The following ARPC4 variants were observed in gnomAD, a reference collection of about 807,000 sequenced individuals.
ARPC4 encodes the protein actin related protein 2/3 complex subunit 4.
Under a neutral mutation model 22.8 loss-of-function variants are expected in ARPC4, and 3 were observed. That is an observed-to-expected ratio of 0.13 (90% CI 0.06 to 0.34). ARPC4 has a LOEUF of 0.34. ARPC4 is among the 10% of genes least tolerant of loss of function. The probability of loss-of-function intolerance (pLI) is 1.00; values close to 1 mark genes in which losing one functional copy is unlikely to be tolerated. For synonymous variants in ARPC4, 80 were observed against 72.5 expected (o/e 1.10, Z -0.52); for missense variants, 98 against 211.0 (o/e 0.46, Z 3.32).
At chr3:9,797,619 A>C in intron 1 of ARPC4, 40 bp from the exon 2 acceptor site, 1 of 1,596,914 alleles carries the variant, frequency 6.3e-7, no homozygotes, top group Non-Finnish European at 8.6e-7. Flanking sequence ...TTGGCGTGAC[A>C]GATTTTGATC....
chr3:9,800,786 C>G (rs1366227970), intron 3 of ARPC4, among the ~76,000 whole-genome samples: 1 of 152,116 alleles, frequency 6.6e-6, no homozygotes, highest in Non-Finnish European at 1.5e-5. Flanking sequence ...TAAATGCAGA[C>G]TACACACTGT....
At chr3:9,796,679 C>T (rs56276715) in intron 1 of ARPC4, among the ~76,000 whole-genome samples, 53 of 152,284 alleles carry the variant, frequency 3.5e-4, no homozygotes, top group East Asian at 1.2e-3. Flanking sequence ...TGGTGGCTCA[C>T]GCCTGTAAAC....
chr3:9,806,168 C>G (rs757742626), intron 5 of ARPC4, 42 bp from the exon 6 acceptor site: 18 of 1,611,350 alleles, frequency 1.1e-5, no homozygotes, highest in Non-Finnish European at 1.5e-5. Context: ...CACCAGGATG[C>G]AATAATAACC....
chr3:9,806,065 A>G (rs1213687489), intron 5 of ARPC4, 145 bp from the exon 6 acceptor site: 6 of 920,584 alleles, frequency 6.5e-6, no homozygotes, highest in Non-Finnish European at 1.1e-5. Flanking sequence ...GAATTAGAGC[A>G]TGACCACAAG....
At chr3:9,793,256 G>A (rs1264864888) in intron 1 of ARPC4, 132 bp downstream of exon 1, 4 of 1,427,750 alleles carry the variant, frequency 2.8e-6, no homozygotes, top group Middle Eastern at 4.1e-4. Context: ...ACACGATGAG[G>A]GTGGGAAAAA....
At chr3:9,806,024 G>A (rs901166106) in intron 5 of ARPC4, among the ~76,000 whole-genome samples, 186 bp from the exon 6 acceptor site, 4 of 152,150 alleles carry the variant, frequency 2.6e-5, no homozygotes, top group South Asian at 2.1e-4. Flanking sequence ...GCTTAGGGCC[G>A]GTGCCCATAG....
Position 9,806,239 on chromosome 3 carries a change from C to G in ARPC4, c.*24C>G, listed in dbSNP as rs770584955. 1 of 1,613,214 alleles carries G rather than the reference C, an allele frequency of 6.2e-7. No homozygotes were observed. The highest frequency in any genetic ancestry group is 1.3e-5 in the African/African-American group (1 of 75,030). On this transcript the variant is annotated 3_prime_UTR_variant, in exon 6 of 6. Transcript: ENST00000397261. ...AAACCATCTGGCTGGATCTCGTGGC[C>G]TTCCCCCTCAGACTACCCATGTCTC...
In ARPC4 at chr3:9,804,110, G is replaced by A. The variant is rs371325938; in HGVS notation, c.501+97G>A. 5.7e-6 allele frequency: 8 copies of A among 1,408,826 alleles called. No individual in the cohort carries two copies. In the African/African-American group the frequency reaches 1.1e-4, roughly 20 times the overall value. 87.3% of individuals were successfully genotyped at this position (1,408,826 alleles called of 1,614,324 possible). A position where few individuals can be genotyped will look rare whatever the true frequency, so the allele number is the denominator to read the frequency against. On this transcript the variant is annotated intron_variant, in intron 5 of 5. Transcript: ENST00000397261. ...GGTGGGAAAGGGGTCCAAGCAGTGTGTTTATATCTCCTGAGCTCTCTAGGA... is the reference window on the plus strand; with the variant it reads ...GGTGGGAAAGGGGTCCAAGCAGTGTATTTATATCTCCTGAGCTCTCTAGGA...
intron 1 of ARPC4, among the ~76,000 whole-genome samples, chr3:9,796,205 C>G: frequency 6.6e-6 from 1 of 152,116 alleles, no homozygotes. Context: ...ACAAGCCTGA[C>G]CAACACGGTG....
Position 9,801,680 on chromosome 3 carries a change from T to G in ARPC4, c.254T>G (p.Ile85Ser). The G allele has an allele frequency of 6.2e-7, 1 of 1,609,400 alleles. No homozygotes were observed. Among genetic ancestry groups the G allele is most frequent in the South Asian group, 1.1e-5 (1 of 90,232 alleles). Residue 85 changes from isoleucine (I) to serine (S), a missense_variant, in exon 4 of 6, where the codon ATT becomes AGT. Ile to Ser is a moderately radical substitution (Grantham distance 142). Coordinates refer to ENST00000397261, the MANE Select transcript of ARPC4 (RefSeq NM_005718.5). Reference sequence around the variant, plus strand: ...CCCCAGGCTGATGAGATCGAGAAGATTTTGTGCCACAAGTTCATGCGCTTC... The same window carrying G: ...CCCCAGGCTGATGAGATCGAGAAGAGTTTGTGCCACAAGTTCATGCGCTTC... ...AVKQADEIEKILCHKFMRFMM... is the reference protein window; with the variant it reads ...AVKQADEIEKSLCHKFMRFMM...
At chr3:9,797,803 G>A (rs1255324421) in intron 2 of ARPC4, 26 bp downstream of exon 2, 11 of 1,608,682 alleles carry the variant, frequency 6.8e-6, no homozygotes, top group Non-Finnish European at 8.5e-6. Context: ...TCAAGGTGGG[G>A]ATGAGGGGTG....
intron 1 of ARPC4, among the ~76,000 whole-genome samples, chr3:9,796,301 G>C (rs1399609720): frequency 6.6e-6 from 1 of 152,232 alleles, no homozygotes; most frequent in Non-Finnish European, 1.5e-5. Flanking sequence ...GGCTGAAGCA[G>C]GAGAATCGCT....
chr3:9,803,901 A>G lies in ARPC4; in HGVS notation c.389A>G (p.Lys130Arg). The change falls in exon 5 of 6, where the codon AAG becomes AGG. Residue 130 changes from lysine (K) to arginine (R), a missense_variant. Lys to Arg is a conservative substitution (Grantham distance 26). Transcript: ENST00000397261. ...CACACAGAGCAGATGTACAAACACAAGTTGGTGGACTTTGTGATCCACTTC... is the reference window on the plus strand; with the variant it reads ...CACACAGAGCAGATGTACAAACACAGGTTGGTGGACTTTGTGATCCACTTC... ...NFHTEQMYKH[K>R]LVDFVIHFME... is the part of the protein sequence containing the mutation. 2 of 1,614,244 alleles carry G rather than the reference A, an allele frequency of 1.2e-6. No individual in the cohort carries two copies. Among genetic ancestry groups the G allele is most frequent in the Non-Finnish European group, 1.7e-6 (2 of 1,180,046 alleles).
intron 1 of ARPC4, among the ~76,000 whole-genome samples, chr3:9,796,327 G>A (rs762208322): frequency 1.8e-4 from 27 of 152,210 alleles, no homozygotes; most frequent in Non-Finnish European, 2.9e-4. Context: ...CCAGGAGGCG[G>A]CGATTGCCGT....
At chr3:9,806,069 C>A in intron 5 of ARPC4, 141 bp from the exon 6 acceptor site, 1 of 960,586 alleles carries the variant, frequency 1.0e-6, no homozygotes, top group Non-Finnish European at 1.7e-6. Context: ...TAGAGCATGA[C>A]CACAAGGTGT....
chr3:9,792,652 G>A (rs1401246585), upstream of ARPC4: 36 of 1,231,906 alleles, frequency 2.9e-5, no homozygotes, highest in Non-Finnish European at 3.5e-5. Context: ...GGCGGAGCTT[G>A]GCGGCCGAGA....
intron 3 of ARPC4, among the ~76,000 whole-genome samples, chr3:9,800,614 A>C (rs1384202087): frequency 6.6e-6 from 1 of 152,060 alleles, no homozygotes; most frequent in Non-Finnish European, 1.5e-5. Context: ...TAGTAGAGAC[A>C]GAGTTTCACC....
intron 3 of ARPC4, 26 bp downstream of exon 3, chr3:9,800,322 A>C (rs757120354): frequency 1.2e-6 from 2 of 1,610,112 alleles, no homozygotes; most frequent in African/African-American, 1.3e-5. Flanking sequence ...AGGAGGCCCA[A>C]CGTAAGGCCT....
upstream of ARPC4, chr3:9,793,071 CGGGGCT>C (rs1462093422): frequency 6.5e-7 from 1 of 1,544,990 alleles, no homozygotes; most frequent in Non-Finnish European, 8.7e-7. Context: ...GCAGGCATCG[CGGGGCT>C]GGCCACTTCC....
Sources: allele counts gnomAD v4.1 joint callset (sites outside exome capture counted in the v4.1 genomes callset), GRCh38; gene constraint gnomAD v4.1.1; transcripts MANE v1.5; gene names NCBI Gene and HGNC (gene_info 2026-07-23, HGNC 2026-07-21).